NDUFV3: variants seen among roughly 807,000 people sequenced by gnomAD.
NDUFV3 encodes the protein NADH dehydrogenase [ubiquinone] flavoprotein 3, mitochondrial.
NDUFV3 carries 44 observed loss-of-function variants against 37.5 expected under a neutral mutation model. The observed-to-expected ratio is 1.17, with a 90% CI of 0.92 to 1.51. NDUFV3 has a LOEUF of 1.51. Among genes scored for constraint, NDUFV3 ranks in the 40% most tolerant of loss-of-function variants. NDUFV3 has a pLI of 0.00. For synonymous variants in NDUFV3, 235 were observed against 239.3 expected (o/e 0.98, Z 0.17); for missense variants, 580 against 580.4 (o/e 1.00, Z 0.01).
At position 42,896,978 on chromosome 21, in the gene NDUFV3, TTGTC is replaced by T. The variant is rs774012307; in HGVS notation, c.103_106del (p.Ser35ArgfsTer23). 4 of 1,614,000 alleles carry T rather than the reference TTGTC, an allele frequency of 2.5e-6. No individual in the cohort carries two copies. The highest frequency in any genetic ancestry group is 1.7e-5 in the Admixed American group (1 of 59,980). The stretch of plus-strand genomic sequence containing the variant: ...TCGAGGACTTGCTTCTACGGTTTCT[TTGTC>T]TGCGGAATCAGGGAAGAGTGAAAAG... On this transcript the variant is annotated frameshift_variant, in exon 2 of 4. Transcript: ENST00000354250. LOFTEE classifies it high-confidence loss of function.
chr21:42,903,765 A>G lies in NDUFV3; in HGVS notation c.753A>G (p.Arg251=). The G allele has an allele frequency of 6.2e-7, 1 of 1,614,218 alleles. No individual in the cohort carries two copies. Among genetic ancestry groups the G allele is most frequent in the Non-Finnish European group, 8.5e-7 (1 of 1,180,042 alleles). The change falls in exon 3 of 4, where the codon AGA becomes AGG. Residue 251 remains arginine, a synonymous_variant. Transcript: ENST00000354250. ...ENARPKTTMP[R]SQVDEEFLKQ... is the part of the protein sequence containing the mutation. ...CGAGACCAAAAACCACAATGCCCAG[A>G]TCTCAAGTAGATGAAGAGTTTTTGA...
intron 2 of NDUFV3, among the ~76,000 whole-genome samples, chr21:42,901,694 C>G (rs1190773273): frequency 6.6e-6 from 1 of 152,102 alleles, no homozygotes; most frequent in Non-Finnish European, 1.5e-5. Context: ...ATCTCATCTT[C>G]CCCAGTCCTC....
Position 42,909,521 on chromosome 21 carries a change from A to G in NDUFV3, c.*500A>G, listed in dbSNP as rs565068679. On this transcript the variant is annotated 3_prime_UTR_variant, in exon 4 of 4. Coordinates refer to ENST00000354250, the MANE Select transcript of NDUFV3 (RefSeq NM_021075.4). ...CAACATATATTTTGGAATATCTACT[A>G]TGTGCAAGGAATTTTTCTTAAACTC... The G allele has an allele frequency of 5.6e-5, 11 of 194,818 alleles. No individual in the cohort carries two copies. Among genetic ancestry groups the G allele is most frequent in the African/African-American group, 2.6e-4 (11 of 42,548 alleles). 12.1% of individuals were successfully genotyped at this position (194,818 alleles called of 1,614,324 possible). A position where few individuals can be genotyped will look rare whatever the true frequency, so the allele number is the denominator to read the frequency against.
chr21:42,908,263 G>A (rs573609043), intron 3 of NDUFV3, among the ~76,000 whole-genome samples: 69 of 151,724 alleles, frequency 4.5e-4, no homozygotes, highest in African/African-American at 1.4e-3. Flanking sequence ...AGCTGAGATC[G>A]CACCGCTGCA....
At chr21:42,894,890 C>A (rs144246947) in intron 1 of NDUFV3, among the ~76,000 whole-genome samples, 14 of 152,152 alleles carry the variant, frequency 9.2e-5, no homozygotes, top group African/African-American at 3.1e-4. Context: ...GAACATTGTA[C>A]TGTCTAGCAC....
intron 1 of NDUFV3, among the ~76,000 whole-genome samples, chr21:42,896,151 A>ATT (rs143845594): frequency 1.9e-3 from 176 of 90,928 alleles, no homozygotes; most frequent in East Asian, 4.8e-3. Flanking sequence ...GCCTGGCTAA[A>ATT]TTTTTTTTTT....
chr21:42,909,010 C>T lies in NDUFV3; in HGVS notation c.1411C>T (p.Pro471Ser), dbSNP rs1377627381. 2.5e-6 allele frequency: 4 copies of T among 1,613,722 alleles called. No individual in the cohort carries two copies. Among genetic ancestry groups the T allele is most frequent in the African/African-American group, 1.3e-5 (1 of 74,912 alleles). ...MPQPSSGRESPRH is the reference protein window; with the variant it reads ...MPQPSSGRESSRH The stretch of plus-strand genomic sequence containing the variant: ...TCAGCCCTCCTCAGGCCGGGAGTCA[C>T]CTCGACACTGAGGGCCCTCGGTGTG... Residue 471 changes from proline (P) to serine (S), a missense_variant, in exon 4 of 4, where the codon CCT becomes TCT. Physicochemically the swap from Pro to Ser is moderately conservative, Grantham distance 74. Transcript: ENST00000354250.
At chr21:42,902,250 AT>A (rs2058720567) in intron 2 of NDUFV3, among the ~76,000 whole-genome samples, 1 of 151,948 alleles carries the variant, frequency 6.6e-6, no homozygotes, top group Non-Finnish European at 1.5e-5. Context: ...ATAAGTAAAA[AT>A]AAAAAAAAAC....
chr21:42,895,780 G>C (rs751469855), intron 1 of NDUFV3, among the ~76,000 whole-genome samples: 23 of 152,074 alleles, frequency 1.5e-4, no homozygotes, highest in Non-Finnish European at 2.9e-4. Context: ...AATATTAATA[G>C]TGATTGTCCT....
Position 42,909,108 on chromosome 21 carries a change from C to T in NDUFV3, c.*87C>T, listed in dbSNP as rs1401561103. 4.4e-5 allele frequency: 62 copies of T among 1,405,756 alleles called. No individual in the cohort carries two copies. Among genetic ancestry groups the T allele is most frequent in the South Asian group, 1.3e-4 (11 of 86,822 alleles). The allele number at this position is 1,405,756 out of a possible 1,614,324, so 87.1% of individuals were successfully genotyped here. ...AAATCCACTCAAGAGTCACAAGGCC[C>T]GCTGTGCATAATCGGTTTCACTTTT... On this transcript the variant is annotated 3_prime_UTR_variant, in exon 4 of 4. Coordinates refer to ENST00000354250, the MANE Select transcript of NDUFV3 (RefSeq NM_021075.4).
intron 2 of NDUFV3, among the ~76,000 whole-genome samples, chr21:42,898,062 T>C (rs973945193): frequency 2.0e-5 from 3 of 152,246 alleles, no homozygotes; most frequent in African/African-American, 4.8e-5. Flanking sequence ...TCAGTTTGAA[T>C]GTTTGAAAGT....
In NDUFV3 at chr21:42,893,377, TGAAG is replaced by T; in HGVS notation, c.46_48+1del. On this transcript the variant is annotated frameshift_variant and splice_region_variant, in exon 1 of 4. Coordinates refer to ENST00000354250, the MANE Select transcript of NDUFV3 (RefSeq NM_021075.4). LOFTEE classifies it high-confidence loss of function. ...CTGCGGCAAGGACGAGCCGGGGCGCTGAAGGTAAAGGAGGAGCCAGCCTGGGCTG... is the reference window on the plus strand; with the variant it reads ...CTGCGGCAAGGACGAGCCGGGGCGCTGTAAAGGAGGAGCCAGCCTGGGCTG... The T allele has an allele frequency of 6.5e-7, 1 of 1,537,470 alleles. No individual in the cohort carries two copies. Among genetic ancestry groups the T allele is most frequent in the Non-Finnish European group, 8.7e-7 (1 of 1,146,362 alleles).
At chr21:42,899,540 G>C (rs1177270324) in intron 2 of NDUFV3, among the ~76,000 whole-genome samples, 1 of 152,136 alleles carries the variant, frequency 6.6e-6, no homozygotes, top group Non-Finnish European at 1.5e-5. Flanking sequence ...CGCCTCCTGG[G>C]TTCAAGCCAT....
At chr21:42,896,835 G>T (rs2058693549) in intron 1 of NDUFV3, 92 bp from the exon 2 acceptor site, 2 of 1,325,698 alleles carry the variant, frequency 1.5e-6, no homozygotes, top group South Asian at 1.4e-5. Flanking sequence ...AGAGACCCCT[G>T]ACTCAAAAAA....
chr21:42,896,882 A>G (rs2058693779), intron 1 of NDUFV3, 45 bp from the exon 2 acceptor site: 1 of 1,581,606 alleles, frequency 6.3e-7, no homozygotes, highest in Non-Finnish European at 8.7e-7. Context: ...CAGCTATTAT[A>G]ATGGCATTAC....
intron 2 of NDUFV3, among the ~76,000 whole-genome samples, chr21:42,900,289 G>A (rs1477914946): frequency 6.6e-6 from 1 of 152,040 alleles, no homozygotes; most frequent in East Asian, 1.9e-4. Flanking sequence ...ATCACTTGAG[G>A]TCAGGAGTTC....
Position 42,909,367 on chromosome 21 carries a change from C to G in NDUFV3, c.*346C>G, listed in dbSNP as rs571095422. 2.7e-5 allele frequency: 9 copies of G among 337,108 alleles called. No individual in the cohort carries two copies. The East Asian group carries it at 7.0e-4, about 26-fold the overall frequency. 20.9% of individuals were successfully genotyped at this position (337,108 alleles called of 1,614,324 possible). A position where few individuals can be genotyped will look rare whatever the true frequency, so the allele number is the denominator to read the frequency against. On this transcript the variant is annotated 3_prime_UTR_variant, in exon 4 of 4. Transcript: ENST00000354250. ...ATGTTGGCCAGGCTGGTCTCGAACTCCTGACCTCAGATGGTCTGCCCACCT... is the reference window on the plus strand; with the variant it reads ...ATGTTGGCCAGGCTGGTCTCGAACTGCTGACCTCAGATGGTCTGCCCACCT...
chr21:42,909,008 C>T lies in NDUFV3; in HGVS notation c.1409C>T (p.Ser470Leu). Residue 470 changes from serine to leucine, a missense_variant, in exon 4 of 4, where the codon TCA becomes TTA. Coordinates refer to ENST00000354250, the MANE Select transcript of NDUFV3 (RefSeq NM_021075.4). ...CCTCAGCCCTCCTCAGGCCGGGAGT[C>T]ACCTCGACACTGAGGGCCCTCGGTG... is the stretch of plus-strand genomic sequence containing the variant. ...RMPQPSSGRE[S>L]PRH is the part of the protein sequence containing the mutation. 6.2e-7 allele frequency: 1 copy of T among 1,613,794 alleles called. No individual in the cohort carries two copies. The highest frequency in any genetic ancestry group is 1.1e-5 in the South Asian group (1 of 91,066).
intron 1 of NDUFV3, among the ~76,000 whole-genome samples, chr21:42,894,402 T>TTATATATTATA (rs1555848127): frequency 6.1e-5 from 1 of 16,338 alleles, no homozygotes; most frequent in African/African-American, 1.9e-3. Context: ...TATTATATAT[T>TTATATATTATA]TATATAATAT....
Sources: gnomAD v4.1 joint callset for allele counts (sites outside exome capture counted in the v4.1 genomes callset) on GRCh38, gnomAD v4.1.1 for gene constraint, MANE v1.5 for transcripts, NCBI Gene and HGNC (gene_info 2026-07-23, HGNC 2026-07-21) for gene names.